Variants in DPP10 observed in about 807,000 individuals in gnomAD.
DPP10 encodes the protein dipeptidyl peptidase like 10, also known as inactive dipeptidyl peptidase 10.
DPP10 carries 33 observed loss-of-function variants against 120.9 expected under a neutral mutation model. The ratio of observed to expected loss-of-function variants is 0.27; its 90% CI spans 0.21 to 0.37. DPP10 has a LOEUF of 0.37. Among genes scored for constraint, DPP10 ranks in the 10% least tolerant of loss-of-function variants. DPP10 has a pLI of 1.00. For missense variants in DPP10, 816 were observed against 942.8 expected, an observed-to-expected ratio of 0.87 and a Z score of 1.76; for synonymous variants, 337 against 326.1, an observed-to-expected ratio of 1.03 and a Z score of -0.36.
intron 1 of DPP10, among the ~76,000 whole-genome samples, chr2:114,889,882 T>C (rs1692398956): frequency 6.6e-6 from 1 of 152,216 alleles, no homozygotes; most frequent in Non-Finnish European, 1.5e-5. Context: ...ACATGCTGTA[T>C]ACCTCTTTAT....
chr2:115,489,203 A>G (rs1039915912), intron 3 of DPP10, among the ~76,000 whole-genome samples: 1 of 152,014 alleles, frequency 6.6e-6, no homozygotes, highest in Non-Finnish European at 1.5e-5. Context: ...ATAGTGCATA[A>G]GCAGCCATGA....
intron 1 of DPP10, among the ~76,000 whole-genome samples, chr2:114,609,616 AG>A (rs1218210591): frequency 6.6e-6 from 1 of 150,554 alleles, no homozygotes; most frequent in Non-Finnish European, 1.5e-5. Flanking sequence ...AGGCACAGAA[AG>A]CCAGGTAAGT....
chr2:115,829,219 C>A (rs1688676756), intron 21 of DPP10, among the ~76,000 whole-genome samples: 1 of 152,090 alleles, frequency 6.6e-6, no homozygotes, highest in Non-Finnish European at 1.5e-5. Context: ...ATGCATAGCA[C>A]TTGTGAGGTA....
intron 1 of DPP10, among the ~76,000 whole-genome samples, chr2:115,134,775 A>T (rs1559133834): frequency 6.6e-6 from 1 of 152,152 alleles, no homozygotes; most frequent in East Asian, 1.9e-4. Flanking sequence ...CAATGAAAAC[A>T]GTGGTTTCGT....
chr2:114,950,257 C>T (rs538395564), intron 1 of DPP10, among the ~76,000 whole-genome samples: 1 of 150,294 alleles, frequency 6.7e-6, no homozygotes, highest in Non-Finnish European at 1.5e-5. Context: ...AGACAACTAC[C>T]CTATGTGGGT....
chr2:115,547,931 A>C (rs2148991655), intron 5 of DPP10, among the ~76,000 whole-genome samples: 1 of 152,274 alleles, frequency 6.6e-6, no homozygotes, highest in Non-Finnish European at 1.5e-5. Flanking sequence ...TTGTGTTTAG[A>C]TATTCAAATG....
chr2:115,777,569 A>T (rs753670900), intron 14 of DPP10, among the ~76,000 whole-genome samples: 4 of 152,128 alleles, frequency 2.6e-5, no homozygotes, highest in Non-Finnish European at 5.9e-5. Flanking sequence ...AGGGGAAAAA[A>T]ATATGTTTCC....
At chr2:115,157,715 G>C (rs2052015504) in intron 1 of DPP10, among the ~76,000 whole-genome samples, 1 of 152,160 alleles carries the variant, frequency 6.6e-6, no homozygotes, top group African/African-American at 2.4e-5. Flanking sequence ...GAAACCAAAT[G>C]ATAGCAGAAG....
At chr2:114,588,273 T>C (rs1691166727) in intron 1 of DPP10, among the ~76,000 whole-genome samples, 1 of 152,140 alleles carries the variant, frequency 6.6e-6, no homozygotes, top group South Asian at 2.1e-4. Flanking sequence ...TTGTAGAAAA[T>C]TACAACTTAA....
chr2:115,664,979 G>A (rs564285181), intron 5 of DPP10, among the ~76,000 whole-genome samples: 1 of 152,254 alleles, frequency 6.6e-6, no homozygotes, highest in South Asian at 2.1e-4. Context: ...CTATGGCTAC[G>A]ATATAGGGCA....
At chr2:115,231,000 C>T (rs1241715218) in intron 1 of DPP10, among the ~76,000 whole-genome samples, 2 of 151,800 alleles carry the variant, frequency 1.3e-5, no homozygotes, top group African/African-American at 4.8e-5. Flanking sequence ...GATAAGAAAA[C>T]ACACTTCAGT....
intron 1 of DPP10, among the ~76,000 whole-genome samples, chr2:115,209,234 C>T (rs2056353181): frequency 6.6e-6 from 1 of 152,098 alleles, no homozygotes; most frequent in African/African-American, 2.4e-5. Flanking sequence ...CTAAAACCTA[C>T]TAAAACATAT....
chr2:115,601,744 G>A (rs1391663695), intron 5 of DPP10, among the ~76,000 whole-genome samples: 1 of 152,090 alleles, frequency 6.6e-6, no homozygotes, highest in African/African-American at 2.4e-5. Context: ...CACGACCTCA[G>A]CTCACTGCAA....
chr2:114,651,053 G>T (rs974046934), intron 1 of DPP10, among the ~76,000 whole-genome samples: 1 of 152,036 alleles, frequency 6.6e-6, no homozygotes, highest in Non-Finnish European at 1.5e-5. Context: ...TATTGTTTTG[G>T]TCTATCTCCT....
At chr2:115,555,922 T>C (rs2080182593) in intron 5 of DPP10, among the ~76,000 whole-genome samples, 1 of 152,134 alleles carries the variant, frequency 6.6e-6, no homozygotes, top group African/African-American at 2.4e-5. Flanking sequence ...CTGTAACTTC[T>C]AGCTTCTTTA....
chr2:114,778,180 T>C (rs1398606974), intron 1 of DPP10, among the ~76,000 whole-genome samples: 1 of 152,112 alleles, frequency 6.6e-6, no homozygotes, highest in African/African-American at 2.4e-5. Flanking sequence ...ATCATTATCA[T>C]CTTTAAGCAA....
Position 115,836,232 on chromosome 2 carries a change from C to T in DPP10, c.2026C>T (p.Pro676Ser). 3 of 1,608,242 alleles carry T rather than the reference C, an allele frequency of 1.9e-6. No homozygotes were observed. Among genetic ancestry groups the T allele is most frequent in the Non-Finnish European group, 2.5e-6 (3 of 1,178,228 alleles). ...TTTTAAATGTGGATCCGTGGTTGCACCTATCACAGACTTGAAATTGTATGG... is the reference window on the plus strand; with the variant it reads ...TTTTAAATGTGGATCCGTGGTTGCATCTATCACAGACTTGAAATTGTATGG... ...KLFKCGSVVA[P>S]ITDLKLYASA... The change falls in exon 22 of 26, where the codon CCT becomes TCT. Residue 676 changes from proline (P) to serine (S), a missense_variant. Coordinates refer to ENST00000410059, the MANE Select transcript of DPP10 (RefSeq NM_020868.6).
In DPP10 at chr2:114,916,513, C is replaced by A. The variant is rs575650793; in HGVS notation, c.61-392726C>A. On this transcript the variant is annotated intron_variant, in intron 1 of 25. Transcript: ENST00000410059. ...TTGGTACCAAAACCTGACACAGACA[C>A]AAGAACAACAGCAAAAGCTTCAGGC... Among the ~76,000 whole-genome samples the A allele has an allele frequency of 7.9e-5, 12 of 152,158 alleles. No homozygotes were observed. The East Asian group carries it at 2.1e-3, about 27-fold the overall frequency.
chr2:114,701,477 C>T lies in DPP10; in HGVS notation c.60+258639C>T, dbSNP rs183246557. 5.8e-4 allele frequency among the ~76,000 whole-genome samples: 88 copies of T among 152,128 alleles called. No homozygotes were observed. In the East Asian group the frequency reaches 0.011, roughly 19 times the overall value. ...AAGGTGCTCTGTGTGCAAGGCAAAG[C>T]GCTATATAATTTATTATAAAATATT... On this transcript the variant is annotated intron_variant, in intron 1 of 25. Coordinates refer to ENST00000410059, the MANE Select transcript of DPP10 (RefSeq NM_020868.6).
Sources: gnomAD v4.1 joint callset for allele counts (sites outside exome capture counted in the v4.1 genomes callset) on GRCh38, gnomAD v4.1.1 for gene constraint, MANE v1.5 for transcripts, NCBI Gene and HGNC (gene_info 2026-07-23, HGNC 2026-07-21) for gene names.